Variants in KAZN observed in about 807,000 individuals in gnomAD.
KAZN encodes kazrin, periplakin interacting protein.
KAZN carries 40 observed loss-of-function variants against 87.4 expected under a neutral mutation model. The ratio of observed to expected loss-of-function variants is 0.46; its 90% CI spans 0.36 to 0.60. The LOEUF (loss-of-function observed/expected upper bound fraction) is 0.60, where lower values mean the gene tolerates loss of function less well. Ranked by LOEUF, KAZN falls within the 20% of genes least tolerant of loss-of-function variation. The pLI, the probability that KAZN is intolerant of heterozygous loss-of-function variation, is 0.00. For synonymous variants in KAZN, 466 were observed against 458.3 expected (o/e 1.02, Z -0.22); for missense variants, 898 against 1,073.9 (o/e 0.84, Z 2.29).
At chr1:15,015,928 C>G (rs556437987) in intron 2 of KAZN, among the ~76,000 whole-genome samples, 1 of 152,298 alleles carries the variant, frequency 6.6e-6, no homozygotes, top group African/African-American at 2.4e-5. Context: ...GAGGGCAGGG[C>G]GCCCCCACTT....
chr1:14,131,798 C>G (rs937319329), intron 1 of KAZN, among the ~76,000 whole-genome samples: 2 of 152,084 alleles, frequency 1.3e-5, no homozygotes, highest in African/African-American at 4.8e-5. Context: ...CAAGCTTCAT[C>G]TCAGCTCTGT....
At chr1:14,090,749 C>T (rs1643958092) in intron 1 of KAZN, among the ~76,000 whole-genome samples, 1 of 152,176 alleles carries the variant, frequency 6.6e-6, no homozygotes, top group African/African-American at 2.4e-5. Context: ...GTTCTGTCTG[C>T]TGCTCTCTGG....
chr1:13,953,596 C>CCTTT (rs770181971), intron 1 of KAZN, among the ~76,000 whole-genome samples: 1 of 151,914 alleles, frequency 6.6e-6, no homozygotes, highest in Admixed American at 6.6e-5. Context: ...TGTTAGTAAC[C>CCTTT]CTTTCTTTCT....
intron 8 of KAZN, 197 bp downstream of exon 8, chr1:15,065,950 C>A (rs1235218859): frequency 7.2e-7 from 1 of 1,398,098 alleles, no homozygotes; most frequent in African/African-American, 1.5e-5. Context: ...GCGCCTCTAA[C>A]AAGTGAAAAC....
chr1:14,551,312 G>C (rs965538294), intron 2 of KAZN, among the ~76,000 whole-genome samples: 1 of 152,172 alleles, frequency 6.6e-6, no homozygotes, highest in Non-Finnish European at 1.5e-5. Context: ...CTTGCTATGA[G>C]GAGCAGTTAC....
At chr1:14,697,617 C>T (rs1225761473) in intron 1 of KAZN, among the ~76,000 whole-genome samples, 3 of 152,242 alleles carry the variant, frequency 2.0e-5, no homozygotes, top group Non-Finnish European at 4.4e-5. Context: ...CCCCATCTCT[C>T]TTCCTATTCC....
chr1:14,784,692 G>A (rs946811481), intron 1 of KAZN, among the ~76,000 whole-genome samples: 7 of 152,172 alleles, frequency 4.6e-5, no homozygotes, highest in East Asian at 1.9e-4. Flanking sequence ...CCGGGAGGTC[G>A]AGGCTGCAAT....
intron 1 of KAZN, among the ~76,000 whole-genome samples, chr1:14,800,235 A>G (rs1315764362): frequency 6.6e-6 from 1 of 152,224 alleles, no homozygotes; most frequent in Non-Finnish European, 1.5e-5. Context: ...ATTCCTAGGT[A>G]TACATCCACG....
chr1:15,103,705 C>T (rs993530648), intron 12 of KAZN, among the ~76,000 whole-genome samples: 1 of 152,124 alleles, frequency 6.6e-6, no homozygotes, highest in African/African-American at 2.4e-5. Context: ...CAAATAGGAG[C>T]CCCATGTCAT....
rs994813137 is a variant in KAZN at position 14,349,710 on chromosome 1, G to C, written c.249+169118G>C. Among the ~76,000 whole-genome samples, 4 of 152,272 alleles carry C rather than the reference G, an allele frequency of 2.6e-5. 1 individual carries two copies. The highest frequency in any genetic ancestry group is 6.8e-3 in the Middle Eastern group (2 of 294). On this transcript the variant is annotated intron_variant, in intron 2 of 16. Coordinates refer to the KAZN transcript ENST00000636203. The stretch of plus-strand genomic sequence containing the variant: ...GTGAAAATGAGCAAGGTACGTTCAG[G>C]GTTAAAGAGGAGATAGGCCTTAGAT...
chr1:14,104,094 G>A (rs1161271666), intron 1 of KAZN, among the ~76,000 whole-genome samples: 3 of 152,164 alleles, frequency 2.0e-5, no homozygotes, highest in Admixed American at 6.5e-5. Flanking sequence ...AAGGAAGGTG[G>A]GTTCTCCTTG....
Position 14,698,282 on chromosome 1 carries a change from T to G in KAZN, c.226+99059T>G, listed in dbSNP as rs1319540645. Among the ~76,000 whole-genome samples the G allele has an allele frequency of 3.3e-5, 5 of 150,614 alleles. No individual in the cohort carries two copies. In the South Asian group the frequency reaches 1.1e-3, roughly 32 times the overall value. ...GTGAGCCGCCACCAGCCAGTTCAGG[T>G]GGGGGTGGGGAGGGGAATAAAGTGC... On this transcript the variant is annotated intron_variant, in intron 1 of 14. Transcript: ENST00000376030.
intron 1 of KAZN, among the ~76,000 whole-genome samples, chr1:14,771,033 C>G (rs151200562): frequency 9.9e-5 from 15 of 152,242 alleles, no homozygotes; most frequent in African/African-American, 3.4e-4. Context: ...TTCGGGACAC[C>G]CATCCATGTG....
intron 2 of KAZN, among the ~76,000 whole-genome samples, chr1:14,306,927 C>T (rs1654971364): frequency 1.3e-5 from 2 of 152,124 alleles, no homozygotes; most frequent in South Asian, 4.1e-4. Context: ...TGAAAAATAA[C>T]AAAATTTGAT....
chr1:14,727,706 T>C (rs1248225941), intron 1 of KAZN, among the ~76,000 whole-genome samples: 1 of 151,688 alleles, frequency 6.6e-6, no homozygotes, highest in South Asian at 2.1e-4. Flanking sequence ...CCTGAGGTAA[T>C]CCGCCCACCA....
intron 1 of KAZN, among the ~76,000 whole-genome samples, chr1:14,716,472 G>T (rs867384838): frequency 1.3e-5 from 2 of 151,856 alleles, no homozygotes; most frequent in African/African-American, 2.4e-5. Context: ...GTTTCATTCC[G>T]TTCCCACTGC....
intron 2 of KAZN, among the ~76,000 whole-genome samples, chr1:14,526,097 T>C (rs1221598474): frequency 1.3e-5 from 2 of 152,224 alleles, no homozygotes; most frequent in Admixed American, 6.5e-5. Flanking sequence ...TATGATACCA[T>C]TTCCTAAACC....
chr1:14,177,660 A>G (rs550290771), intron 1 of KAZN, among the ~76,000 whole-genome samples: 1 of 152,268 alleles, frequency 6.6e-6, no homozygotes, highest in Non-Finnish European at 1.5e-5. Context: ...TAAATGTAAC[A>G]TGCCTTTTTT....
chr1:13,954,524 T>C lies in KAZN; in HGVS notation c.91+60768T>C, dbSNP rs1395054742. 2.6e-5 allele frequency among the ~76,000 whole-genome samples: 4 copies of C among 152,176 alleles called. No individual in the cohort carries two copies. In the East Asian group the frequency reaches 5.8e-4, roughly 22 times the overall value. ...GGATTTTTATATACTCAAAACAACA[T>C]AGAAGCATGGCAAAGAAGATGGGAA... On this transcript the variant is annotated intron_variant, in intron 1 of 16. Coordinates refer to the KAZN transcript ENST00000636203.
Sources: gnomAD v4.1 joint callset for allele counts (sites outside exome capture counted in the v4.1 genomes callset) on GRCh38, gnomAD v4.1.1 for gene constraint, MANE v1.5 for transcripts, NCBI Gene and HGNC (gene_info 2026-07-23, HGNC 2026-07-21) for gene names.